The following NAALADL2 variants were observed in gnomAD, a reference collection of about 807,000 sequenced individuals.
NAALADL2 encodes the protein inactive N-acetylated-alpha-linked acidic dipeptidase-like protein 2.
NAALADL2 carries 76 observed loss-of-function variants against 87.2 expected under a neutral mutation model. That is an observed-to-expected ratio of 0.87 (90% CI 0.72 to 1.05). The LOEUF (loss-of-function observed/expected upper bound fraction) is 1.05, where lower values mean the gene tolerates loss of function less well. Ranked by LOEUF, NAALADL2 falls within the 50% of genes least tolerant of loss-of-function variation. The pLI, the probability that NAALADL2 is intolerant of heterozygous loss-of-function variation, is 0.00. For missense variants in NAALADL2, 1,089 were observed against 945.8 expected, an observed-to-expected ratio of 1.15 and a Z score of -1.99; for synonymous variants, 354 against 331.0, an observed-to-expected ratio of 1.07 and a Z score of -0.75.
intron 9 of NAALADL2, among the ~76,000 whole-genome samples, chr3:175,480,100 T>C (rs1480221653): frequency 6.6e-6 from 1 of 151,772 alleles, no homozygotes; most frequent in Non-Finnish European, 1.5e-5. Flanking sequence ...TGTGTTTGTT[T>C]GTTTAGCTTT....
chr3:175,138,918 A>ATATATATG (rs1553787385), intron 2 of NAALADL2, among the ~76,000 whole-genome samples: 49 of 136,374 alleles, frequency 3.6e-4, no homozygotes, highest in South Asian at 2.6e-3. Context: ...ATATATATAT[A>ATATATATG]TATATATGAT....
chr3:175,679,957 G>T (rs747944764), intron 11 of NAALADL2, among the ~76,000 whole-genome samples: 3 of 152,092 alleles, frequency 2.0e-5, no homozygotes, highest in Non-Finnish European at 4.4e-5. Context: ...AGAAAAAAAG[G>T]ATGCCGTCAC....
chr3:174,683,042 T>A (rs994105974), intron 2 of NAALADL2, among the ~76,000 whole-genome samples: 2 of 152,150 alleles, frequency 1.3e-5, no homozygotes, highest in African/African-American at 4.8e-5. Flanking sequence ...ATCAGCATCT[T>A]ATCAAATACA....
At chr3:174,624,192 A>C (rs1472259766) in intron 2 of NAALADL2, among the ~76,000 whole-genome samples, 1 of 152,178 alleles carries the variant, frequency 6.6e-6, no homozygotes, top group Non-Finnish European at 1.5e-5. Flanking sequence ...CACTGAAAAA[A>C]AATGGTAGAA....
At chr3:175,571,683 G>A (rs746970956) in intron 9 of NAALADL2, among the ~76,000 whole-genome samples, 3 of 152,038 alleles carry the variant, frequency 2.0e-5, no homozygotes, top group Non-Finnish European at 4.4e-5. Flanking sequence ...TGTGAATTTG[G>A]CCTTAAATTC....
chr3:175,780,146 G>C (rs1423429619), intron 13 of NAALADL2, among the ~76,000 whole-genome samples: 1 of 151,534 alleles, frequency 6.6e-6, no homozygotes, highest in East Asian at 2.0e-4. Context: ...CGTGGTGGTG[G>C]GCACCTGTAG....
At chr3:175,553,081 A>C (rs1230609766) in intron 9 of NAALADL2, among the ~76,000 whole-genome samples, 2 of 152,172 alleles carry the variant, frequency 1.3e-5, no homozygotes, top group Non-Finnish European at 2.9e-5. Context: ...TAGCTTGTTA[A>C]ATATCCATGT....
At chr3:174,721,651 A>G (rs148570718) in intron 2 of NAALADL2, among the ~76,000 whole-genome samples, 1 of 152,314 alleles carries the variant, frequency 6.6e-6, no homozygotes, top group East Asian at 1.9e-4. Flanking sequence ...TATGTAAGCT[A>G]ATGAATGTGT....
In NAALADL2 at chr3:175,177,435, A is replaced by G. The variant is rs547367626; in HGVS notation, c.546-56496A>G. Among the ~76,000 whole-genome samples, 241 of 152,204 alleles carry G rather than the reference A, an allele frequency of 1.6e-3. 1 individual carries two copies. The highest frequency in any genetic ancestry group is 2.8e-3 in the Non-Finnish European group (193 of 68,004). On this transcript the variant is annotated intron_variant, in intron 2 of 13. Transcript: ENST00000454872. ...ATCTATGGATAGAAAAGAAGCTTAG[A>G]ATAAACAGGGCTTTCAGACCCTACT...
intron 2 of NAALADL2, among the ~76,000 whole-genome samples, chr3:174,688,631 G>A (rs929139805): frequency 6.6e-6 from 1 of 152,012 alleles, no homozygotes; most frequent in South Asian, 2.1e-4. Flanking sequence ...TTGAATAAAT[G>A]AAGAGACAGT....
intron 1 of NAALADL2, chr3:175,079,528 T>C (rs1461471424): frequency 1.3e-5 from 2 of 152,246 alleles, no homozygotes; most frequent in Non-Finnish European, 2.9e-5. Context: ...GTCTTAAGTA[T>C]ATATTTTGAA....
intron 1 of NAALADL2, among the ~76,000 whole-genome samples, chr3:174,870,570 A>C (rs144935805): frequency 1.3e-5 from 2 of 149,574 alleles, no homozygotes; most frequent in African/African-American, 5.0e-5. Flanking sequence ...TCTTGTTATT[A>C]TTATCAATAA....
At position 174,899,756 on chromosome 3, in the gene NAALADL2, G is replaced by T. The variant is rs181710144; in HGVS notation, c.43+40306G>T. On this transcript the variant is annotated intron_variant, in intron 1 of 13. Transcript: ENST00000454872. ...ATATAATATAATTTTTCCTGGGAAAGAATTTCCAGTGTTTTTTTCTATGAA... is the reference window on the plus strand; with the variant it reads ...ATATAATATAATTTTTCCTGGGAAATAATTTCCAGTGTTTTTTTCTATGAA... Among the ~76,000 whole-genome samples, 208 of 152,058 alleles carry T rather than the reference G, an allele frequency of 1.4e-3. 1 individual carries two copies. The highest frequency in any genetic ancestry group is 4.9e-3 in the African/African-American group (203 of 41,488).
At chr3:174,539,752 A>G (rs555328242) in intron 1 of NAALADL2, among the ~76,000 whole-genome samples, 1 of 152,244 alleles carries the variant, frequency 6.6e-6, no homozygotes, top group East Asian at 1.9e-4. Flanking sequence ...AATAGTTTCA[A>G]TAAATCCAAT....
chr3:175,157,100 T>C (rs555660962), intron 2 of NAALADL2, among the ~76,000 whole-genome samples: 1 of 147,704 alleles, frequency 6.8e-6, no homozygotes, highest in South Asian at 2.1e-4. Flanking sequence ...ATTTTTAGTA[T>C]GTACTTAGTT....
intron 1 of NAALADL2, chr3:174,513,491 A>T (rs1719739729): frequency 1.3e-5 from 2 of 152,118 alleles, no homozygotes; most frequent in Admixed American, 1.3e-4. Flanking sequence ...CTTAGACTGT[A>T]TCTGTTTGTT....
chr3:174,690,209 C>G (rs893535823), intron 2 of NAALADL2, among the ~76,000 whole-genome samples: 9 of 152,118 alleles, frequency 5.9e-5, no homozygotes, highest in Admixed American at 2.6e-4. Context: ...AAATGGTGAA[C>G]AAAACTATAA....
At chr3:174,944,184 A>G (rs762353430) in intron 1 of NAALADL2, among the ~76,000 whole-genome samples, 3 of 152,164 alleles carry the variant, frequency 2.0e-5, no homozygotes, top group Non-Finnish European at 4.4e-5. Context: ...GCTTCATCCC[A>G]GGGAGGCATG....
chr3:175,405,766 A>T (rs1712229225), intron 5 of NAALADL2, among the ~76,000 whole-genome samples: 1 of 152,136 alleles, frequency 6.6e-6, no homozygotes, highest in African/African-American at 2.4e-5. Flanking sequence ...GTTTGTGTGC[A>T]TTGTCTCATT....
Sources: allele counts gnomAD v4.1 joint callset (sites outside exome capture counted in the v4.1 genomes callset), GRCh38; gene constraint gnomAD v4.1.1; transcripts MANE v1.5; gene names NCBI Gene and HGNC (gene_info 2026-07-23, HGNC 2026-07-21).